Variants in CCDC91 observed in about 807,000 individuals in gnomAD.
The protein encoded by CCDC91 is coiled-coil domain-containing protein 91.
A neutral mutation model predicts 63.2 loss-of-function variants in CCDC91; 48 were observed. The observed-to-expected ratio is 0.76, with a 90% CI of 0.60 to 0.97. The LOEUF is 0.97. CCDC91 is among the 50% of genes least tolerant of loss of function. The pLI is 0.00. For missense variants in CCDC91, 500 were observed against 494.6 expected, an observed-to-expected ratio of 1.01 and a Z score of -0.10; for synonymous variants, 167 against 165.8, an observed-to-expected ratio of 1.01 and a Z score of -0.06.
At chr12:28,333,034 A>G (rs1286082184) in intron 6 of CCDC91, among the ~76,000 whole-genome samples, 1 of 152,186 alleles carries the variant, frequency 6.6e-6, no homozygotes, top group East Asian at 1.9e-4. Context: ...AGTTGAAACA[A>G]GAATCATACA....
intron 6 of CCDC91, among the ~76,000 whole-genome samples, chr12:28,355,324 C>G (rs1408777807): frequency 6.6e-6 from 1 of 152,170 alleles, no homozygotes; most frequent in Non-Finnish European, 1.5e-5. Context: ...ATCCAATCAA[C>G]AAATTAACCA....
At chr12:28,497,575 T>C (rs1327735209) in intron 12 of CCDC91, among the ~76,000 whole-genome samples, 2 of 151,570 alleles carry the variant, frequency 1.3e-5, no homozygotes, top group Non-Finnish European at 3.0e-5. Flanking sequence ...ATGTGGATGA[T>C]TTTATGAACA....
At chr12:28,322,779 G>A (rs754006868) in intron 6 of CCDC91, among the ~76,000 whole-genome samples, 29 of 151,474 alleles carry the variant, frequency 1.9e-4, no homozygotes, top group Non-Finnish European at 3.7e-4. Context: ...TTGTCTTCCA[G>A]AATATTATAC....
chr12:28,359,846 G>A (rs183267419), intron 6 of CCDC91, among the ~76,000 whole-genome samples: 2 of 152,186 alleles, frequency 1.3e-5, no homozygotes, highest in East Asian at 3.9e-4. Flanking sequence ...TATATGGGTT[G>A]GTGCTTTTGC....
At chr12:28,437,564 T>G (rs925023357) in intron 8 of CCDC91, among the ~76,000 whole-genome samples, 1 of 152,114 alleles carries the variant, frequency 6.6e-6, no homozygotes, top group African/African-American at 2.4e-5. Flanking sequence ...TCTTCAATTA[T>G]GTTATTTCAA....
chr12:28,457,834 T>C (rs1440622888), intron 11 of CCDC91, among the ~76,000 whole-genome samples: 1 of 152,082 alleles, frequency 6.6e-6, no homozygotes, highest in Non-Finnish European at 1.5e-5. Context: ...TAAAAGTCTT[T>C]GTTAAGTAAA....
intron 12 of CCDC91, among the ~76,000 whole-genome samples, chr12:28,509,516 A>G (rs1435684731): frequency 1.3e-5 from 2 of 151,916 alleles, no homozygotes; most frequent in Admixed American, 6.6e-5. Context: ...ATACACATCA[A>G]CAGTTTAATA....
At chr12:28,495,235 C>T (rs1039650501) in intron 12 of CCDC91, among the ~76,000 whole-genome samples, 1 of 151,732 alleles carries the variant, frequency 6.6e-6, no homozygotes, top group Non-Finnish European at 1.5e-5. Context: ...ACTCAAAAAA[C>T]CGTGGGCATG....
intron 8 of CCDC91, among the ~76,000 whole-genome samples, chr12:28,403,594 A>G (rs990499863): frequency 6.6e-6 from 1 of 152,072 alleles, no homozygotes; most frequent in Admixed American, 6.6e-5. Context: ...ATACTTCCCA[A>G]ATGCCCCCCC....
intron 12 of CCDC91, among the ~76,000 whole-genome samples, chr12:28,545,799 A>T (rs1158495282): frequency 6.6e-6 from 1 of 152,058 alleles, no homozygotes; most frequent in East Asian, 1.9e-4. Context: ...ATATCCTCTT[A>T]AAAAATTACA....
At chr12:28,368,913 G>A (rs1028904133) in intron 7 of CCDC91, among the ~76,000 whole-genome samples, 9 of 151,894 alleles carry the variant, frequency 5.9e-5, no homozygotes, top group Non-Finnish European at 4.4e-5. Context: ...ACTACCATAA[G>A]AACAGCATGC....
intron 8 of CCDC91, among the ~76,000 whole-genome samples, chr12:28,427,823 T>C (rs913898936): frequency 6.6e-6 from 1 of 152,190 alleles, no homozygotes; most frequent in African/African-American, 2.4e-5. Flanking sequence ...GTGTCAGAGC[T>C]GAAACTAGAA....
intron 6 of CCDC91, among the ~76,000 whole-genome samples, chr12:28,326,986 C>T (rs189759068): frequency 6.6e-6 from 1 of 152,110 alleles, no homozygotes; most frequent in Admixed American, 6.6e-5. Flanking sequence ...AGATATAGGG[C>T]GTCTTTAATG....
At chr12:28,379,249 C>G (rs1282192528) in intron 7 of CCDC91, among the ~76,000 whole-genome samples, 3 of 151,930 alleles carry the variant, frequency 2.0e-5, no homozygotes, top group Non-Finnish European at 4.4e-5. Context: ...TGGGCAAGGA[C>G]TTCATAACTA....
chr12:28,263,218 A>G (rs541030276), intron 3 of CCDC91, among the ~76,000 whole-genome samples: 2 of 152,134 alleles, frequency 1.3e-5, no homozygotes, highest in Admixed American at 6.6e-5. Context: ...GGTCCTTAGC[A>G]TATGCTAATT....
chr12:28,401,214 G>T (rs1193330546), intron 8 of CCDC91, among the ~76,000 whole-genome samples: 7 of 152,258 alleles, frequency 4.6e-5, no homozygotes, highest in Middle Eastern at 3.4e-3. Context: ...TTGACTCACA[G>T]TTCAGCACGA....
chr12:28,351,931 C>A (rs954090204), intron 6 of CCDC91, among the ~76,000 whole-genome samples: 2 of 152,140 alleles, frequency 1.3e-5, no homozygotes, highest in Non-Finnish European at 2.9e-5. Flanking sequence ...CAAACAAGTT[C>A]TCCACAGATC....
chr12:28,432,004 T>C (rs548242453), intron 8 of CCDC91, among the ~76,000 whole-genome samples: 1 of 152,188 alleles, frequency 6.6e-6, no homozygotes, highest in South Asian at 2.1e-4. Context: ...TTTTTAATAC[T>C]GACTTCTTTA....
chr12:28,284,123 T>C (rs147784309), intron 3 of CCDC91, among the ~76,000 whole-genome samples: 5 of 152,298 alleles, frequency 3.3e-5, no homozygotes, highest in African/African-American at 1.2e-4. Context: ...TCTTCTTCTT[T>C]TTTTTTATAT....
Sources: allele counts gnomAD v4.1 joint callset (sites outside exome capture counted in the v4.1 genomes callset), GRCh38; gene constraint gnomAD v4.1.1; transcripts MANE v1.5; gene names NCBI Gene and HGNC (gene_info 2026-07-23, HGNC 2026-07-21).